MTAP: variants seen among roughly 807,000 people sequenced by gnomAD.
MTAP encodes methylthioadenosine phosphorylase.
A neutral mutation model predicts 33.6 loss-of-function variants in MTAP; 33 were observed. The observed-to-expected ratio is 0.98, with a 90% CI of 0.74 to 1.31. The LOEUF is 1.31. MTAP is among the 40% of genes most tolerant of loss of function. The pLI, the probability that MTAP is intolerant of heterozygous loss-of-function variation, is 0.00. For synonymous variants in MTAP, 148 were observed against 125.7 expected (o/e 1.18, Z -1.19); for missense variants, 367 against 360.0 (o/e 1.02, Z -0.16).
intron 1 of MTAP, among the ~76,000 whole-genome samples, chr9:21,913,404 C>T (rs1818618950): frequency 6.6e-6 from 1 of 152,194 alleles, no homozygotes; most frequent in African/African-American, 2.4e-5. Flanking sequence ...GTAACCAAAA[C>T]AGCATGGTAC....
At chr9:21,811,451 T>A (rs115995531) in intron 1 of MTAP, among the ~76,000 whole-genome samples, 1,500 of 137,534 alleles carry the variant, frequency 0.011, 21 homozygotes, top group African/African-American at 0.032. Flanking sequence ...AACAAAAAAA[T>A]TTTTTTTTTC....
intron 1 of MTAP, among the ~76,000 whole-genome samples, chr9:21,874,137 G>A (rs550284243): frequency 2.3e-4 from 35 of 152,242 alleles, no homozygotes; most frequent in African/African-American, 7.9e-4. Context: ...TAATAGGAAA[G>A]TCAACTTCAA....
intron 5 of MTAP, among the ~76,000 whole-genome samples, chr9:21,845,733 A>G (rs965090603): frequency 6.6e-6 from 1 of 152,094 alleles, no homozygotes; most frequent in African/African-American, 2.4e-5. Flanking sequence ...GAATACCACC[A>G]TCATTGTTCA....
chr9:21,891,673 G>A (rs1818202631), intron 1 of MTAP, among the ~76,000 whole-genome samples: 1 of 152,166 alleles, frequency 6.6e-6, no homozygotes, highest in Non-Finnish European at 1.5e-5. Context: ...CAGAAAGGGA[G>A]CAAGAGCAAG....
chr9:21,815,347 C>T, intron 1 of MTAP, 86 bp from the exon 2 acceptor site: 1 of 876,148 alleles, frequency 1.1e-6, no homozygotes, highest in Non-Finnish European at 1.8e-6. Context: ...TGGAGAAGAG[C>T]ATATGAATAA....
intron 4 of MTAP, among the ~76,000 whole-genome samples, chr9:21,825,772 T>A (rs1295615847): frequency 2.0e-5 from 3 of 151,996 alleles, no homozygotes; most frequent in Non-Finnish European, 4.4e-5. Context: ...GCCTGGGAGG[T>A]CAAGGCTAGA....
At chr9:21,806,779 T>C (rs549620087) in intron 1 of MTAP, among the ~76,000 whole-genome samples, 1 of 152,204 alleles carries the variant, frequency 6.6e-6, no homozygotes, top group South Asian at 2.1e-4. Context: ...CAAACCAGTC[T>C]TTGGCACCCA....
chr9:21,808,622 A>C (rs1175130078), intron 1 of MTAP, among the ~76,000 whole-genome samples: 2 of 151,428 alleles, frequency 1.3e-5, no homozygotes, highest in African/African-American at 4.9e-5. Flanking sequence ...ACACACACAC[A>C]CAAACGTATT....
At chr9:21,841,022 C>T (rs1306084733) in intron 5 of MTAP, among the ~76,000 whole-genome samples, 3 of 152,154 alleles carry the variant, frequency 2.0e-5, no homozygotes, top group Admixed American at 1.3e-4. Flanking sequence ...CAGTCAAGAT[C>T]TCCTCTGGAA....
intron 4 of MTAP, among the ~76,000 whole-genome samples, chr9:21,822,330 T>C (rs1236374507): frequency 6.6e-6 from 1 of 152,216 alleles, no homozygotes; most frequent in Non-Finnish European, 1.5e-5. Flanking sequence ...GTATGTTGTG[T>C]ATTTGTTCTC....
chr9:21,832,666 C>G (rs1437725051), intron 4 of MTAP, among the ~76,000 whole-genome samples: 2 of 152,190 alleles, frequency 1.3e-5, no homozygotes, highest in East Asian at 3.8e-4. Context: ...GAGGTTCATT[C>G]TTACGTTCTG....
rs1174266797 is a variant in MTAP at position 21,863,673 on chromosome 9, A to T, written c.*1659A>T. The T allele has an allele frequency of 1.0e-6, 1 of 985,428 alleles. No individual in the cohort carries two copies. 61.0% of individuals were successfully genotyped at this position (985,428 alleles called of 1,614,324 possible). On this transcript the variant is annotated 3_prime_UTR_variant, in exon 8 of 8. Transcript: ENST00000644715. ...TTTTTGTTTGCTTCAGTTTTTTATC[A>T]TGGGGAGATCTTTTTCCTCAGAATT...
chr9:21,830,962 T>G (rs1824951939), intron 4 of MTAP, among the ~76,000 whole-genome samples: 1 of 147,350 alleles, frequency 6.8e-6, no homozygotes, highest in South Asian at 2.1e-4. Context: ...TTAATGAGAT[T>G]TTTGCCATTG....
chr9:21,920,148 A>G (rs1399085331), intron 1 of MTAP, among the ~76,000 whole-genome samples: 2 of 152,164 alleles, frequency 1.3e-5, no homozygotes, highest in African/African-American at 4.8e-5. Flanking sequence ...AGCGAAAATC[A>G]TAGAGAAATG....
intron 4 of MTAP, among the ~76,000 whole-genome samples, chr9:21,821,617 T>G (rs1189613519): frequency 6.6e-6 from 1 of 152,222 alleles, no homozygotes; most frequent in Non-Finnish European, 1.5e-5. Flanking sequence ...CAGGCTTTGG[T>G]ATCAGGATGA....
chr9:21,938,555 A>G (rs569344844), downstream of MTAP, among the ~76,000 whole-genome samples: 97 of 152,302 alleles, frequency 6.4e-4, no homozygotes, highest in Middle Eastern at 3.4e-3. Context: ...TATTCATGTA[A>G]GTTTTCCAGA....
At chr9:21,891,126 C>T (rs1403857258) in intron 1 of MTAP, among the ~76,000 whole-genome samples, 1 of 151,974 alleles carries the variant, frequency 6.6e-6, no homozygotes, top group Non-Finnish European at 1.5e-5. Flanking sequence ...AATATAAAAG[C>T]AAAAATTCCC....
At chr9:21,919,082 ATAT>A (rs1818742717) in intron 1 of MTAP, among the ~76,000 whole-genome samples, 2 of 152,192 alleles carry the variant, frequency 1.3e-5, no homozygotes, top group Non-Finnish European at 2.9e-5. Flanking sequence ...AGCAATATAA[ATAT>A]TATTGTGACT....
rs886063788 is a variant in MTAP, at chr9:21,863,774, A to G, written c.*1760A>G. 22 of 985,766 alleles carry G rather than the reference A, an allele frequency of 2.2e-5. No homozygotes were observed. The Admixed American group carries it at 4.9e-4, about 22-fold the overall frequency. The allele number at this position is 985,766 out of a possible 1,614,324, so 61.1% of individuals were successfully genotyped here. A position where few individuals can be genotyped will look rare whatever the true frequency, so the allele number is the denominator to read the frequency against. ...GAACCTTTTATTTAAAGAGTTTGTA[A>G]AGTCAATGTGTTTGTTTGTGTCTCT... On this transcript the variant is annotated 3_prime_UTR_variant, in exon 8 of 8. Transcript: ENST00000644715.
Sources: allele counts gnomAD v4.1 joint callset (sites outside exome capture counted in the v4.1 genomes callset), GRCh38; gene constraint gnomAD v4.1.1; transcripts MANE v1.5; gene names NCBI Gene and HGNC (gene_info 2026-07-23, HGNC 2026-07-21).